The following TYR variants were observed in gnomAD, a reference collection of about 807,000 sequenced individuals.
TYR encodes tyrosinase.
TYR carries 58 observed loss-of-function variants against 51.5 expected under a neutral mutation model. The ratio of observed to expected loss-of-function variants is 1.13; its 90% CI spans 0.91 to 1.40. The LOEUF (loss-of-function observed/expected upper bound fraction) is 1.40. Ranked by LOEUF, TYR falls within the 40% of genes most tolerant of loss-of-function variation. The probability of loss-of-function intolerance (pLI) is 0.00; values close to 1 mark genes in which losing one functional copy is unlikely to be tolerated. For missense variants in TYR, 732 were observed against 647.4 expected (o/e 1.13, Z -1.42); for synonymous variants, 263 against 235.2 (o/e 1.12, Z -1.08).
chr11:89,193,480 T>C (rs1171165932), intron 2 of TYR, among the ~76,000 whole-genome samples: 1 of 152,132 alleles, frequency 6.6e-6, no homozygotes, highest in Non-Finnish European at 1.5e-5. Context: ...TTTCCCATAA[T>C]TTATTCTCAT....
At chr11:89,195,332 T>C (rs1354617073) in intron 2 of TYR, among the ~76,000 whole-genome samples, 1 of 152,152 alleles carries the variant, frequency 6.6e-6, no homozygotes, top group Non-Finnish European at 1.5e-5. Flanking sequence ...TCAGCTTTCC[T>C]CTTAGATTTC....
Position 89,202,622 on chromosome 11 carries a change from T to TACACACACACACAAACAC in TYR, c.1036+11217_1036+11218insAACACACACACACACACA, listed in dbSNP as rs58419100. Among the ~76,000 whole-genome samples the TACACACACACACAAACAC allele has an allele frequency of 9.9e-3, 1,398 of 141,292 alleles. 25 individuals carry two copies. Among genetic ancestry groups the TACACACACACACAAACAC allele is most frequent in the African/African-American group, 0.031 (1,147 of 36,962 alleles). The allele number at this position is 141,292 out of a possible 152,430, so 92.7% of individuals were successfully genotyped here. Reference sequence around the variant, plus strand: ...CCAAAACTAGAATATATTTTCATAATACACACACACACACACACACACACA... The same window carrying TACACACACACACAAACAC: ...CCAAAACTAGAATATATTTTCATAATACACACACACACAAACACACACACACACACACACACACACACA... On this transcript the variant is annotated intron_variant, in intron 2 of 4. Coordinates refer to ENST00000263321, the MANE Select transcript of TYR (RefSeq NM_000372.5).
intron 4 of TYR, among the ~76,000 whole-genome samples, chr11:89,294,405 C>A (rs1027643947): frequency 6.6e-6 from 1 of 152,204 alleles, no homozygotes; most frequent in Non-Finnish European, 1.5e-5. Flanking sequence ...CTAAGCCCCG[C>A]CCCTCCAGGC....
At chr11:89,189,319 A>C (rs1317050195) in intron 1 of TYR, among the ~76,000 whole-genome samples, 1 of 152,068 alleles carries the variant, frequency 6.6e-6, no homozygotes, top group African/African-American at 2.4e-5. Context: ...AGTTTTGCTT[A>C]TAGAAAGGTG....
intron 2 of TYR, among the ~76,000 whole-genome samples, chr11:89,203,829 T>G (rs1943632520): frequency 6.6e-6 from 1 of 151,978 alleles, no homozygotes; most frequent in South Asian, 2.1e-4. Context: ...CAAAGAAAGG[T>G]GCAGAAAAGT....
chr11:89,282,715 C>T (rs1040438289), intron 3 of TYR, among the ~76,000 whole-genome samples: 4 of 151,778 alleles, frequency 2.6e-5, no homozygotes, highest in African/African-American at 4.8e-5. Flanking sequence ...AACTGAAGCA[C>T]AGAAAAACTC....
intron 3 of TYR, among the ~76,000 whole-genome samples, chr11:89,268,478 GAAGA>G (rs937602266): frequency 8.6e-5 from 13 of 151,906 alleles, no homozygotes; most frequent in East Asian, 3.9e-4. Flanking sequence ...AGAAATTTTG[GAAGA>G]AAGAGAGGCA....
At chr11:89,239,362 T>G (rs1427682124) in intron 3 of TYR, among the ~76,000 whole-genome samples, 4 of 152,130 alleles carry the variant, frequency 2.6e-5, no homozygotes, top group Non-Finnish European at 4.4e-5. Flanking sequence ...AATTCGTTGT[T>G]CTTAGTAGTC....
intron 1 of TYR, among the ~76,000 whole-genome samples, chr11:89,187,578 A>C (rs1440450150): frequency 6.6e-6 from 1 of 152,152 alleles, no homozygotes; most frequent in Non-Finnish European, 1.5e-5. Flanking sequence ...TGGAATTTTC[A>C]TTTAAGATAC....
At chr11:89,273,299 A>G (rs1944612402) in intron 3 of TYR, among the ~76,000 whole-genome samples, 1 of 151,838 alleles carries the variant, frequency 6.6e-6, no homozygotes, top group Non-Finnish European at 1.5e-5. Context: ...AGGGTTATTA[A>G]TTGACCTAAT....
At chr11:89,239,758 A>G (rs1463414375) in intron 3 of TYR, among the ~76,000 whole-genome samples, 3 of 152,036 alleles carry the variant, frequency 2.0e-5, no homozygotes, top group Non-Finnish European at 2.9e-5. Flanking sequence ...TCTCTTCTCT[A>G]AAGGTTTTAA....
chr11:89,213,951 T>A lies in TYR; in HGVS notation c.1037-13872T>A, dbSNP rs576873701. Among the ~76,000 whole-genome samples, 4 of 152,238 alleles carry A rather than the reference T, an allele frequency of 2.6e-5. No individual in the cohort carries two copies. The East Asian group carries it at 7.7e-4, about 29-fold the overall frequency. ...TACACAAAAATTAACTCAATATGGA[T>A]TAAAGACTTAAATGTTAGACCTAAA... is the stretch of plus-strand genomic sequence containing the variant. On this transcript the variant is annotated intron_variant, in intron 2 of 4. Transcript: ENST00000263321.
At chr11:89,293,336 T>TACACACACAC (rs59899373) in intron 4 of TYR, among the ~76,000 whole-genome samples, 2 of 147,626 alleles carry the variant, frequency 1.4e-5, no homozygotes, top group Non-Finnish European at 3.0e-5. Context: ...ATTTTATGCA[T>TACACACACAC]ACACACACAC....
chr11:89,241,260 C>T (rs1033656259), intron 3 of TYR, among the ~76,000 whole-genome samples: 2 of 152,138 alleles, frequency 1.3e-5, no homozygotes, highest in Non-Finnish European at 2.9e-5. Context: ...ACAGATGTGA[C>T]CTGCCTCAGG....
intron 3 of TYR, among the ~76,000 whole-genome samples, chr11:89,282,671 T>C (rs1220300138): frequency 6.6e-6 from 1 of 151,822 alleles, no homozygotes; most frequent in Non-Finnish European, 1.5e-5. Flanking sequence ...TGGGGTTTAT[T>C]GTCAAGCCAG....
intron 3 of TYR, among the ~76,000 whole-genome samples, chr11:89,260,251 A>C (rs1481973864): frequency 7.6e-6 from 1 of 132,320 alleles, no homozygotes; most frequent in Non-Finnish European, 1.6e-5. Flanking sequence ...AATAAAATGC[A>C]AAAAAAAAAA....
chr11:89,290,815 C>T (rs1306925134), intron 4 of TYR, among the ~76,000 whole-genome samples: 2 of 151,920 alleles, frequency 1.3e-5, no homozygotes, highest in Admixed American at 1.3e-4. Flanking sequence ...CTTCTTTCTG[C>T]TATGTCAAAA....
intron 3 of TYR, among the ~76,000 whole-genome samples, chr11:89,230,979 T>A (rs1944039088): frequency 6.6e-6 from 1 of 151,552 alleles, no homozygotes; most frequent in East Asian, 1.9e-4. Context: ...GACACCAGCC[T>A]GGCCAACATG....
rs753663519 is a variant in TYR, at chr11:89,178,507, TG to T, written c.556del (p.Asp186MetfsTer40). On this transcript the variant is annotated frameshift_variant, in exon 1 of 5. Transcript: ENST00000263321. LOFTEE classifies it high-confidence loss of function. ...LFVWMHYYVS[M>X]DALLGGSEIW... Reference sequence around the variant, plus strand: ...GTCTGGATGCATTATTATGTGTCAATGGATGCACTGCTTGGGGGATCTGAAA... The same window carrying T: ...GTCTGGATGCATTATTATGTGTCAATGATGCACTGCTTGGGGGATCTGAAA... 2 of 1,614,088 alleles carry T rather than the reference TG, an allele frequency of 1.2e-6. No homozygotes were observed. Among genetic ancestry groups the T allele is most frequent in the Non-Finnish European group, 1.7e-6 (2 of 1,180,040 alleles).
Sources: gnomAD v4.1 joint callset for allele counts (sites outside exome capture counted in the v4.1 genomes callset) on GRCh38, gnomAD v4.1.1 for gene constraint, MANE v1.5 for transcripts, NCBI Gene and HGNC (gene_info 2026-07-23, HGNC 2026-07-21) for gene names.